Variants in HTR5A observed in about 807,000 individuals in gnomAD.
The protein encoded by HTR5A is 5-hydroxytryptamine receptor 5A.
HTR5A carries 21 observed loss-of-function variants against 24.3 expected under a neutral mutation model. That is an observed-to-expected ratio of 0.86 (90% CI 0.61 to 1.24). The LOEUF (loss-of-function observed/expected upper bound fraction) is 1.24, where lower values mean the gene tolerates loss of function less well. Among genes scored for constraint, HTR5A ranks in the 50% most tolerant of loss-of-function variants. The pLI is 0.00. For missense variants in HTR5A, 497 were observed against 489.5 expected, an observed-to-expected ratio of 1.02 and a Z score of -0.15; for synonymous variants, 260 against 213.7, an observed-to-expected ratio of 1.22 and a Z score of -1.89.
At chr7:155,073,916 T>TGTGTGTATATATATATAC (rs1795332363) in intron 1 of HTR5A, among the ~76,000 whole-genome samples, 1 of 131,678 alleles carries the variant, frequency 7.6e-6, no homozygotes, top group Non-Finnish European at 1.7e-5. Flanking sequence ...TATATATATA[T>TGTGTGTATATATATATAC]GTATATATAT....
At chr7:155,079,836 G>T (rs768356991) in intron 1 of HTR5A, among the ~76,000 whole-genome samples, 1 of 152,168 alleles carries the variant, frequency 6.6e-6, no homozygotes, top group Non-Finnish European at 1.5e-5. Context: ...ACACATGATT[G>T]TCCGCACAAC....
Position 155,070,881 on chromosome 7 carries a change from G to T in HTR5A, c.-19G>T, listed in dbSNP as rs1800883. On this transcript the variant is annotated 5_prime_UTR_variant, in exon 1 of 2. Coordinates refer to ENST00000287907, the MANE Select transcript of HTR5A (RefSeq NM_024012.4). ...ACACCCCTTCTGCAAGTACCCCAGG[G>T]CGGTCTCCTGACCCAGAGATGGATT... 1 of 1,584,920 alleles carries T rather than the reference G, an allele frequency of 6.3e-7. No individual in the cohort carries two copies. Among genetic ancestry groups the T allele is most frequent in the East Asian group, 2.2e-5 (1 of 44,598 alleles).
chr7:155,084,766 A>C lies in HTR5A; in HGVS notation c.*279A>C. Reference sequence around the variant, plus strand: ...CCGCAAAGTGTCCTTTCCTCCCCAAATTCACTCTGGCATGGTGATCGACAT... The same window carrying C: ...CCGCAAAGTGTCCTTTCCTCCCCAACTTCACTCTGGCATGGTGATCGACAT... On this transcript the variant is annotated 3_prime_UTR_variant, in exon 2 of 2. Coordinates refer to ENST00000287907, the MANE Select transcript of HTR5A (RefSeq NM_024012.4). 2 of 379,840 alleles carry C rather than the reference A, an allele frequency of 5.3e-6. No individual in the cohort carries two copies. The highest frequency in any genetic ancestry group is 9.3e-6 in the Non-Finnish European group (2 of 213,954). The allele number at this position is 379,840 out of a possible 1,614,324, so 23.5% of individuals were successfully genotyped here. A position where few individuals can be genotyped will look rare whatever the true frequency, so the allele number is the denominator to read the frequency against.
At position 155,084,052 on chromosome 7, in the gene HTR5A, T is replaced by A. The variant is rs931589574; in HGVS notation, c.742-103T>A. On this transcript the variant is annotated intron_variant, in intron 1 of 1. Coordinates refer to ENST00000287907, the MANE Select transcript of HTR5A (RefSeq NM_024012.4). ...TCCCACACCTATCCATCGAAGACTTTCCCTTGAGTGGATGTGCGGAATCCA... is the reference window on the plus strand; with the variant it reads ...TCCCACACCTATCCATCGAAGACTTACCCTTGAGTGGATGTGCGGAATCCA... 5.4e-6 allele frequency: 5 copies of A among 923,288 alleles called. No homozygotes were observed. In the Admixed American group the frequency reaches 1.4e-4, roughly 27 times the overall value. The allele number at this position is 923,288 out of a possible 1,614,324, so 57.2% of individuals were successfully genotyped here.
intron 1 of HTR5A, among the ~76,000 whole-genome samples, chr7:155,073,323 G>GGAAAAAAA (rs1795318962): frequency 9.2e-6 from 1 of 109,160 alleles, no homozygotes; most frequent in South Asian, 3.6e-4. Flanking sequence ...TCTGTCTCAA[G>GGAAAAAAA]AAAAAAAAAA....
chr7:155,082,370 T>A (rs1795427344), intron 1 of HTR5A, among the ~76,000 whole-genome samples: 1 of 150,812 alleles, frequency 6.6e-6, no homozygotes, highest in East Asian at 2.0e-4. Flanking sequence ...GAACAGAATC[T>A]TCAGCGTGAC....
chr7:155,073,879 A>ATATATATATATGTATT (rs1795328492), intron 1 of HTR5A, among the ~76,000 whole-genome samples: 1 of 8,772 alleles, frequency 1.1e-4, no homozygotes, highest in African/African-American at 1.2e-4. Context: ...ATATATATGT[A>ATATATATATATGTATT]TATATATATG....
chr7:155,070,985 T>C lies in HTR5A; in HGVS notation c.86T>C (p.Leu29Pro). Residue 29 changes from leucine to proline, a missense_variant, in exon 1 of 2, where the codon CTG becomes CCG. Coordinates refer to ENST00000287907, the MANE Select transcript of HTR5A (RefSeq NM_024012.4). ...AACCACAGCCTCGGCAAAGACGACC[T>C]GCGCCCCAGCTCGCCCCTGCTCTCG... ...ETNHSLGKDD[L>P]RPSSPLLSVF... 6.2e-7 allele frequency: 1 copy of C among 1,611,734 alleles called. No homozygotes were observed. Among genetic ancestry groups the C allele is most frequent in the Non-Finnish European group, 8.5e-7 (1 of 1,180,010 alleles).
rs1795275451 is a variant in HTR5A, at chr7:155,070,498, G to A, written c.-402G>A. 1 of 383,118 alleles carries A rather than the reference G, an allele frequency of 2.6e-6. No individual in the cohort carries two copies. Among genetic ancestry groups the A allele is most frequent in the African/African-American group, 2.1e-5 (1 of 47,698 alleles). 23.7% of individuals were successfully genotyped at this position (383,118 alleles called of 1,614,324 possible). ...GGGAGACAACGCGGTGAGAGCGACT[G>A]CTCTGACGCACCAGCCCCTCTCCTG... is the stretch of plus-strand genomic sequence containing the variant. On this transcript the variant is annotated 5_prime_UTR_variant, in exon 1 of 2. Coordinates refer to ENST00000287907, the MANE Select transcript of HTR5A (RefSeq NM_024012.4).
chr7:155,072,952 A>G (rs1030452570), intron 1 of HTR5A, among the ~76,000 whole-genome samples: 7 of 152,140 alleles, frequency 4.6e-5, no homozygotes, highest in African/African-American at 9.7e-5. Flanking sequence ...TCTTTTACCT[A>G]TATCAGCATT....
At chr7:155,083,619 C>T (rs1403410484) in intron 1 of HTR5A, among the ~76,000 whole-genome samples, 3 of 152,154 alleles carry the variant, frequency 2.0e-5, no homozygotes. Flanking sequence ...ACAGAATAGA[C>T]CCAGAGAGAG....
In HTR5A at chr7:155,086,753, A is replaced by T. The variant is rs575789028; in HGVS notation, c.*2266A>T. ...TTATACCCTGGTAAGAAATGTAGACATTCATTGACTTTGAGTCTCTACTAT... is the reference window on the plus strand; with the variant it reads ...TTATACCCTGGTAAGAAATGTAGACTTTCATTGACTTTGAGTCTCTACTAT... On this transcript the variant is annotated 3_prime_UTR_variant, in exon 2 of 2. Coordinates refer to ENST00000287907, the MANE Select transcript of HTR5A (RefSeq NM_024012.4). Among the ~76,000 whole-genome samples the T allele has an allele frequency of 3.0e-4, 46 of 152,370 alleles. No homozygotes were observed. Among genetic ancestry groups the T allele is most frequent in the African/African-American group, 1.1e-3 (46 of 41,598 alleles).
At chr7:155,084,038 T>A in intron 1 of HTR5A, 117 bp from the exon 2 acceptor site, 1 of 773,934 alleles carries the variant, frequency 1.3e-6, no homozygotes, top group Non-Finnish European at 2.0e-6. Context: ...CCCACACCTA[T>A]CCATCGAAGA....
chr7:155,084,289 C>T lies in HTR5A; in HGVS notation c.876C>T (p.Gly292=), dbSNP rs151277627. 6.3e-5 allele frequency: 101 copies of T among 1,614,150 alleles called. No individual in the cohort carries two copies. In the South Asian group the frequency reaches 6.5e-4, roughly 10 times the overall value. ...RAALMVGILI[G]VFVLCWIPFF... is the part of the protein sequence containing the mutation. ...CCCTCATGGTGGGCATCCTCATTGG[C>T]GTGTTCGTGCTCTGCTGGATCCCCT... Residue 292 remains glycine (G), a synonymous_variant, in exon 2 of 2, where the codon GGC becomes GGT. Transcript: ENST00000287907.
intron 1 of HTR5A, among the ~76,000 whole-genome samples, chr7:155,072,633 A>T (rs762039841): frequency 6.6e-6 from 1 of 152,244 alleles, no homozygotes; most frequent in Non-Finnish European, 1.5e-5. Context: ...AAGTCTACAC[A>T]GTCCCCATTT....
chr7:155,076,835 A>G (rs766078098), intron 1 of HTR5A, among the ~76,000 whole-genome samples: 11 of 152,196 alleles, frequency 7.2e-5, no homozygotes, highest in Non-Finnish European at 1.2e-4. Context: ...AGATGTGTTG[A>G]CTAGTTGAAT....
At chr7:155,079,253 T>C (rs138024865) in intron 1 of HTR5A, among the ~76,000 whole-genome samples, 152 of 152,322 alleles carry the variant, frequency 1.0e-3, no homozygotes, top group African/African-American at 3.5e-3. Flanking sequence ...ATGCCTGGCC[T>C]AGAAAATTTC....
At chr7:155,074,959 A>C (rs1043243149) in intron 1 of HTR5A, among the ~76,000 whole-genome samples, 5 of 152,204 alleles carry the variant, frequency 3.3e-5, no homozygotes, top group Non-Finnish European at 7.3e-5. Flanking sequence ...TTTTACACAG[A>C]TCTAAGACAA....
At position 155,072,391 on chromosome 7, in the gene HTR5A, G is replaced by A. The variant is rs568750918; in HGVS notation, c.741+751G>A. Among the ~76,000 whole-genome samples, 9 of 152,196 alleles carry A rather than the reference G, an allele frequency of 5.9e-5. No homozygotes were observed. The South Asian group carries it at 1.2e-3, about 21-fold the overall frequency. On this transcript the variant is annotated intron_variant, in intron 1 of 1. Coordinates refer to ENST00000287907, the MANE Select transcript of HTR5A (RefSeq NM_024012.4). ...CCTTCCTGAACATGAGTAAAGCTGC[G>A]GAAGGAAATTAAAAATCCAGGAAAG...
Sources: gnomAD v4.1 joint callset for allele counts (sites outside exome capture counted in the v4.1 genomes callset) on GRCh38, gnomAD v4.1.1 for gene constraint, MANE v1.5 for transcripts, NCBI Gene and HGNC (gene_info 2026-07-23, HGNC 2026-07-21) for gene names.